Variants in CYP7B1 observed in about 807,000 individuals in gnomAD.
CYP7B1 encodes the protein cytochrome P450 7B1.
In CYP7B1, 29 loss-of-function variants were observed where a neutral mutation model predicts 42.7. The observed-to-expected ratio is 0.68, with a 90% CI of 0.51 to 0.93. The LOEUF is 0.93. Ranked by LOEUF, CYP7B1 falls within the 40% of genes least tolerant of loss-of-function variation. CYP7B1 has a pLI of 0.00. For missense variants in CYP7B1, 655 were observed against 600.5 expected, an observed-to-expected ratio of 1.09 and a Z score of -0.95; for synonymous variants, 235 against 218.2, an observed-to-expected ratio of 1.08 and a Z score of -0.68.
chr8:64,621,694 T>A (rs2129630351), intron 2 of CYP7B1, among the ~76,000 whole-genome samples: 2 of 152,232 alleles, frequency 1.3e-5, no homozygotes, highest in Middle Eastern at 6.8e-3. Flanking sequence ...GATGCATGAT[T>A]TTTTTCCATT....
chr8:64,686,503 G>T lies in CYP7B1; in HGVS notation c.123-61964C>A, dbSNP rs1329168781. 8.7e-4 allele frequency among the ~76,000 whole-genome samples: 45 copies of T among 51,574 alleles called. 1 individual carries two copies. The highest frequency in any genetic ancestry group is 3.9e-3 in the African/African-American group (42 of 10,844). 33.8% of individuals were successfully genotyped at this position (51,574 alleles called of 152,430 possible). On this transcript the variant is annotated intron_variant, in intron 1 of 5. Transcript: ENST00000310193. ...CAGCCGCCCCGTCCGGGAGGGAGGTGGGGGGGGTCAGCCCCCCTGCCCGGC... is the reference window on the plus strand; with the variant it reads ...CAGCCGCCCCGTCCGGGAGGGAGGTTGGGGGGGTCAGCCCCCCTGCCCGGC...
chr8:64,754,201 T>C (rs1807773418), intron 1 of CYP7B1, among the ~76,000 whole-genome samples: 1 of 152,220 alleles, frequency 6.6e-6, no homozygotes, highest in Non-Finnish European at 1.5e-5. Flanking sequence ...GCTCGTTCTA[T>C]TCTCAGAGGA....
intron 1 of CYP7B1, among the ~76,000 whole-genome samples, chr8:64,736,581 G>A (rs958036869): frequency 2.0e-4 from 30 of 152,102 alleles, no homozygotes; most frequent in Non-Finnish European, 3.7e-4. Context: ...CTCCCAAGTA[G>A]CTGGGACTAC....
chr8:64,724,456 A>G (rs570933566), intron 1 of CYP7B1, among the ~76,000 whole-genome samples: 4 of 152,250 alleles, frequency 2.6e-5, no homozygotes, highest in East Asian at 1.9e-4. Context: ...CAAAAGAATG[A>G]ATTTTTTTTC....
At chr8:64,606,089 G>A (rs1805274535) in intron 4 of CYP7B1, among the ~76,000 whole-genome samples, 2 of 152,214 alleles carry the variant, frequency 1.3e-5, no homozygotes, top group Non-Finnish European at 2.9e-5. Flanking sequence ...TTTGTCTAAA[G>A]AAATGAGGCT....
chr8:64,727,545 G>C (rs888550643), intron 1 of CYP7B1, among the ~76,000 whole-genome samples: 2 of 152,140 alleles, frequency 1.3e-5, no homozygotes, highest in Non-Finnish European at 1.5e-5. Flanking sequence ...TTATCATGAA[G>C]ATTCCAACAT....
intron 1 of CYP7B1, among the ~76,000 whole-genome samples, chr8:64,681,053 A>C (rs1340809135): frequency 6.6e-6 from 1 of 152,228 alleles, no homozygotes; most frequent in African/African-American, 2.4e-5. Context: ...CGTTTAGAGA[A>C]CAGCAATGTG....
intron 1 of CYP7B1, among the ~76,000 whole-genome samples, chr8:64,669,496 T>C (rs1806333046): frequency 6.6e-6 from 1 of 152,180 alleles, no homozygotes; most frequent in Non-Finnish European, 1.5e-5. Flanking sequence ...TTTTACTCTT[T>C]ATCAACTAAA....
intron 2 of CYP7B1, among the ~76,000 whole-genome samples, chr8:64,623,687 AT>A (rs1465124322): frequency 6.6e-6 from 1 of 152,112 alleles, no homozygotes; most frequent in Non-Finnish European, 1.5e-5. Flanking sequence ...TTGGTACTTT[AT>A]TAAAGTCTGA....
chr8:64,604,279 A>G (rs144623164), intron 5 of CYP7B1, among the ~76,000 whole-genome samples: 32 of 152,234 alleles, frequency 2.1e-4, no homozygotes, highest in East Asian at 1.7e-3. Flanking sequence ...GGAACAGTCA[A>G]CCTCACTTTG....
intron 1 of CYP7B1, among the ~76,000 whole-genome samples, chr8:64,795,491 C>T (rs1454963580): frequency 2.6e-5 from 4 of 152,210 alleles, no homozygotes; most frequent in Non-Finnish European, 5.9e-5. Context: ...CTCCCCTGAG[C>T]TTTTGGTGCT....
intron 1 of CYP7B1, among the ~76,000 whole-genome samples, chr8:64,627,505 T>G (rs1280017983): frequency 6.6e-6 from 1 of 152,232 alleles, no homozygotes; most frequent in Admixed American, 6.5e-5. Context: ...TGTTGCATTT[T>G]GACAAAGATT....
At chr8:64,753,096 A>G (rs1325995817) in intron 1 of CYP7B1, among the ~76,000 whole-genome samples, 4 of 152,232 alleles carry the variant, frequency 2.6e-5, no homozygotes, top group Non-Finnish European at 4.4e-5. Context: ...CTGAAGATTT[A>G]AAGAGAAGAC....
intron 1 of CYP7B1, among the ~76,000 whole-genome samples, chr8:64,789,408 A>C (rs982686863): frequency 6.6e-6 from 1 of 152,218 alleles, no homozygotes; most frequent in Non-Finnish European, 1.5e-5. Flanking sequence ...CCACTCATCC[A>C]TATCTAGGAT....
At chr8:64,664,191 G>T (rs555593904) in intron 1 of CYP7B1, among the ~76,000 whole-genome samples, 1 of 152,080 alleles carries the variant, frequency 6.6e-6, no homozygotes. Context: ...ACACACACAC[G>T]TGTGTGCTGG....
At chr8:64,714,499 T>C (rs959704044) in intron 1 of CYP7B1, among the ~76,000 whole-genome samples, 51 of 152,326 alleles carry the variant, frequency 3.3e-4, no homozygotes, top group Admixed American at 2.9e-3. Context: ...ACTAAGAACA[T>C]CCAGACACTA....
At chr8:64,733,199 G>C (rs928840272) in intron 1 of CYP7B1, among the ~76,000 whole-genome samples, 1 of 152,160 alleles carries the variant, frequency 6.6e-6, no homozygotes, top group Non-Finnish European at 1.5e-5. Flanking sequence ...CAGGGGCACA[G>C]TAACCATGTG....
chr8:64,765,791 C>T lies in CYP7B1; in HGVS notation c.122+32675G>A, dbSNP rs567598524. Among the ~76,000 whole-genome samples the T allele has an allele frequency of 9.9e-5, 15 of 152,210 alleles. 1 individual carries two copies. In the South Asian group the frequency reaches 1.2e-3, roughly 13 times the overall value. ...GGAAATGTTCCCCCCAAGGCAAAAACGCCCCTAAGATGTATTCTGGAGAAT... is the reference window on the plus strand; with the variant it reads ...GGAAATGTTCCCCCCAAGGCAAAAATGCCCCTAAGATGTATTCTGGAGAAT... On this transcript the variant is annotated intron_variant, in intron 1 of 5. Coordinates refer to ENST00000310193, the MANE Select transcript of CYP7B1 (RefSeq NM_004820.5).
At chr8:64,790,748 C>A (rs1804604612) in intron 1 of CYP7B1, among the ~76,000 whole-genome samples, 1 of 152,170 alleles carries the variant, frequency 6.6e-6, no homozygotes, top group African/African-American at 2.4e-5. Flanking sequence ...TAAGAAGAAT[C>A]TATTTTTTCA....
Sources: gnomAD v4.1 joint callset for allele counts (sites outside exome capture counted in the v4.1 genomes callset) on GRCh38, gnomAD v4.1.1 for gene constraint, MANE v1.5 for transcripts, NCBI Gene and HGNC (gene_info 2026-07-23, HGNC 2026-07-21) for gene names.